CNTNAP4: variants seen among roughly 807,000 people sequenced by gnomAD.
The protein encoded by CNTNAP4 is contactin-associated protein-like 4.
CNTNAP4 carries 98 observed loss-of-function variants against 148.4 expected under a neutral mutation model. That is an observed-to-expected ratio of 0.66 (90% CI 0.56 to 0.78). CNTNAP4 has a LOEUF of 0.78. Ranked by LOEUF, CNTNAP4 falls within the 30% of genes least tolerant of loss-of-function variation. The pLI is 0.00. For missense variants in CNTNAP4, 1,935 were observed against 1,565.6 expected (o/e 1.24, Z -3.98); for synonymous variants, 730 against 565.1 (o/e 1.29, Z -4.14).
intron 3 of CNTNAP4, among the ~76,000 whole-genome samples, chr16:76,385,985 GA>G (rs35800498): frequency 1.2e-4 from 18 of 151,510 alleles, no homozygotes; most frequent in Admixed American, 5.3e-4. Context: ...AATAGATAAT[GA>G]AAAAAAACAC....
intron 3 of CNTNAP4, among the ~76,000 whole-genome samples, chr16:76,355,840 T>TTTTA (rs138725617): frequency 0.089 from 12,561 of 141,584 alleles, 624 homozygotes; most frequent in African/African-American, 0.12. Context: ...TTGCATTGTC[T>TTTTA]TTTATTTATT....
chr16:76,515,125 G>T (rs144245115), intron 15 of CNTNAP4, among the ~76,000 whole-genome samples: 2 of 152,136 alleles, frequency 1.3e-5, no homozygotes, highest in African/African-American at 4.8e-5. Flanking sequence ...CTTTGTGAAA[G>T]CTTGCATGAA....
At chr16:76,344,300 A>G (rs1964729335) in intron 2 of CNTNAP4, among the ~76,000 whole-genome samples, 1 of 152,154 alleles carries the variant, frequency 6.6e-6, no homozygotes, top group African/African-American at 2.4e-5. Flanking sequence ...TGTGAATGTG[A>G]CTGTACCAAT....
intron 8 of CNTNAP4, among the ~76,000 whole-genome samples, chr16:76,457,765 T>C (rs2080789624): frequency 6.6e-6 from 1 of 152,068 alleles, no homozygotes; most frequent in Non-Finnish European, 1.5e-5. Context: ...AGTGGGCTTG[T>C]ATTTTATGTC....
rs117349929 is a variant in CNTNAP4, at chr16:76,480,106, A to G, written c.1882+568A>G. Among the ~76,000 whole-genome samples, 1,317 of 152,196 alleles carry G rather than the reference A, an allele frequency of 8.7e-3. 7 individuals carry two copies. The highest frequency in any genetic ancestry group is 0.014 in the Non-Finnish European group (935 of 67,982). ...TTAATACCATTCTCGTCACCATTGTATTGGAGGTCCTAGACAGTGCAATAA... is the reference window on the plus strand; with the variant it reads ...TTAATACCATTCTCGTCACCATTGTGTTGGAGGTCCTAGACAGTGCAATAA... On this transcript the variant is annotated intron_variant, in intron 12 of 23. Coordinates refer to ENST00000611870, the MANE Select transcript of CNTNAP4 (RefSeq NM_033401.5).
chr16:76,290,464 G>A (rs9923061), intron 1 of CNTNAP4, among the ~76,000 whole-genome samples: 20,504 of 152,076 alleles, frequency 0.13, 2,567 homozygotes, highest in African/African-American at 0.32. Flanking sequence ...TTGATTAGTC[G>A]GAGTGAAGTG....
rs1228378882 is a variant in CNTNAP4 at position 76,448,915 on chromosome 16, A to G, written c.891A>G (p.Ala297=). 1 of 1,613,710 alleles carries G rather than the reference A, an allele frequency of 6.2e-7. No individual in the cohort carries two copies. Among genetic ancestry groups the G allele is most frequent in the Non-Finnish European group, 8.5e-7 (1 of 1,179,844 alleles). The change falls in exon 6 of 24, where the codon GCA becomes GCG. Residue 297 remains alanine, a synonymous_variant. Transcript: ENST00000611870. ...TVDEHRHHFH[A]RGEFNLMNLD... is the part of the protein sequence containing the mutation. ...ACGAACACAGGCATCATTTCCATGC[A>G]CGGGGAGAATTCAATCTCATGAATC...
chr16:76,501,445 A>C (rs11643145), intron 15 of CNTNAP4, among the ~76,000 whole-genome samples: 90,977 of 152,022 alleles, frequency 0.6, 28,370 homozygotes, highest in East Asian at 0.75. Context: ...TCTCCCTTAG[A>C]CTTTCTTTCT....
At chr16:76,484,361 T>C (rs1597696663) in intron 12 of CNTNAP4, among the ~76,000 whole-genome samples, 2 of 149,662 alleles carry the variant, frequency 1.3e-5, no homozygotes, top group Non-Finnish European at 1.5e-5. Context: ...AAAGTATTGA[T>C]GGAAAAGAGG....
chr16:76,355,219 C>T, intron 2 of CNTNAP4, 99 bp from the exon 3 acceptor site: 1 of 774,818 alleles, frequency 1.3e-6, no homozygotes, highest in African/African-American at 1.8e-5. Context: ...TATTTAAGTT[C>T]CATAGAGGAA....
Position 76,506,152 on chromosome 16 carries a change from A to G in CNTNAP4, c.2365+7458A>G, listed in dbSNP as rs1480419282. Among the ~76,000 whole-genome samples, 6 of 97,096 alleles carry G rather than the reference A, an allele frequency of 6.2e-5. 2 individuals are homozygous for G. Among genetic ancestry groups the G allele is most frequent in the Non-Finnish European group, 1.5e-4 (5 of 34,172 alleles). 63.7% of individuals were successfully genotyped at this position (97,096 alleles called of 152,430 possible). On this transcript the variant is annotated intron_variant, in intron 15 of 23. Transcript: ENST00000611870. ...AAGTCATGAGTAGGAGGAGTCACCT[A>G]TATATTTCCTACGTAATCAGCCTGC...
At chr16:76,380,313 T>A (rs2015838236) in intron 3 of CNTNAP4, among the ~76,000 whole-genome samples, 1 of 152,176 alleles carries the variant, frequency 6.6e-6, no homozygotes, top group South Asian at 2.1e-4. Context: ...GGTATAGGCG[T>A]ATAGGACCAG....
intron 14 of CNTNAP4, among the ~76,000 whole-genome samples, chr16:76,496,112 T>C (rs1320129943): frequency 2.0e-5 from 3 of 151,972 alleles, no homozygotes; most frequent in Non-Finnish European, 4.4e-5. Context: ...TGTGTGCGTG[T>C]ATTTCTTTTA....
intron 15 of CNTNAP4, among the ~76,000 whole-genome samples, chr16:76,513,300 G>A (rs2083101016): frequency 6.6e-6 from 1 of 152,100 alleles, no homozygotes; most frequent in Non-Finnish European, 1.5e-5. Flanking sequence ...AATGAGAAAT[G>A]AGATGTATTA....
chr16:76,423,417 A>G (rs57860753), intron 3 of CNTNAP4, among the ~76,000 whole-genome samples: 1,912 of 152,224 alleles, frequency 0.013, 43 homozygotes, highest in African/African-American at 0.044. Context: ...GTTTCTAAAG[A>G]AACACCTCAA....
At position 76,507,934 on chromosome 16, in the gene CNTNAP4, AC is replaced by A. The variant is rs1448386436; in HGVS notation, c.2365+9243del. On this transcript the variant is annotated intron_variant, in intron 15 of 23. Coordinates refer to ENST00000611870, the MANE Select transcript of CNTNAP4 (RefSeq NM_033401.5). ...AAAATCTCCCTAATTCTTTTACCAA[AC>A]CCTTTCACACTCAGATTAAAACTCT... is the stretch of plus-strand genomic sequence containing the variant. Among the ~76,000 whole-genome samples the A allele has an allele frequency of 2.0e-4, 19 of 96,712 alleles. 7 individuals are homozygous for A. Among genetic ancestry groups the A allele is most frequent in the South Asian group, 8.3e-4 (2 of 2,402 alleles). 63.4% of individuals were successfully genotyped at this position (96,712 alleles called of 152,430 possible).
intron 1 of CNTNAP4, among the ~76,000 whole-genome samples, chr16:76,302,690 A>G (rs918030996): frequency 6.6e-6 from 1 of 152,188 alleles, no homozygotes; most frequent in East Asian, 1.9e-4. Flanking sequence ...ATAACATAAC[A>G]TAAGCACAGG....
chr16:76,524,040 T>G (rs2083604407), intron 17 of CNTNAP4, among the ~76,000 whole-genome samples: 1 of 152,240 alleles, frequency 6.6e-6, no homozygotes, highest in African/African-American at 2.4e-5. Context: ...CTGATCTTAT[T>G]AACCCTCTCT....
chr16:76,396,118 G>C (rs998698600), intron 3 of CNTNAP4, among the ~76,000 whole-genome samples: 1 of 152,162 alleles, frequency 6.6e-6, no homozygotes, highest in South Asian at 2.1e-4. Context: ...CTAAAACACA[G>C]ATATTTATAA....
Sources: gnomAD v4.1 joint callset for allele counts (sites outside exome capture counted in the v4.1 genomes callset) on GRCh38, gnomAD v4.1.1 for gene constraint, MANE v1.5 for transcripts, NCBI Gene and HGNC (gene_info 2026-07-23, HGNC 2026-07-21) for gene names.